CTIF: variants seen among roughly 807,000 people sequenced by gnomAD.
The protein encoded by CTIF is CBP80/20-dependent translation initiation factor.
In CTIF, 21 loss-of-function variants were observed where a neutral mutation model predicts 66.0. The ratio of observed to expected loss-of-function variants is 0.32; its 90% CI spans 0.23 to 0.46. The LOEUF is 0.46. Among genes scored for constraint, CTIF ranks in the 20% least tolerant of loss-of-function variants. The pLI, the probability that CTIF is intolerant of heterozygous loss-of-function variation, is 1.00. For missense variants in CTIF, 739 were observed against 812.7 expected, an observed-to-expected ratio of 0.91 and a Z score of 1.10; for synonymous variants, 345 against 326.4, an observed-to-expected ratio of 1.06 and a Z score of -0.62.
chr18:48,644,429 C>T (rs567785951), intron 3 of CTIF, among the ~76,000 whole-genome samples: 13 of 152,192 alleles, frequency 8.5e-5, no homozygotes, highest in Admixed American at 2.0e-4. Context: ...TAGAAGTGTG[C>T]GCTGTGATTC....
At chr18:48,611,057 AGGCTTGGAT>A (rs2090299178) in intron 1 of CTIF, among the ~76,000 whole-genome samples, 1 of 152,238 alleles carries the variant, frequency 6.6e-6, no homozygotes, top group South Asian at 2.1e-4. Context: ...AGGGATGTAA[AGGCTTGGAT>A]CCTGCATTGC....
rs2069477571 is a variant in CTIF at position 48,861,879 on chromosome 18, AAT to A, written c.*2325_*2326del. ...AAATATAAATATGTATACATATATA[AAT>A]ATATTTTTAATTACATGTCGTGTCA... On this transcript the variant is annotated 3_prime_UTR_variant, in exon 12 of 12. Transcript: ENST00000256413. 2 of 152,262 alleles carry A rather than the reference AAT, an allele frequency of 1.3e-5. No homozygotes were observed. The highest frequency in any genetic ancestry group is 4.1e-4 in the South Asian group (2 of 4,824). 9.4% of individuals were successfully genotyped at this position (152,262 alleles called of 1,614,324 possible).
At chr18:48,598,165 G>A (rs911370004) in intron 1 of CTIF, among the ~76,000 whole-genome samples, 3 of 152,192 alleles carry the variant, frequency 2.0e-5, no homozygotes, top group Admixed American at 6.5e-5. Flanking sequence ...GGGAGTTGGC[G>A]GAGGCTCTGA....
intron 7 of CTIF, among the ~76,000 whole-genome samples, chr18:48,751,664 C>T (rs752791225): frequency 6.6e-6 from 1 of 152,142 alleles, no homozygotes; most frequent in African/African-American, 2.4e-5. Context: ...CTGGAGGGCT[C>T]GGGCAGGACC....
At chr18:48,640,782 G>A (rs1598787754) in intron 3 of CTIF, among the ~76,000 whole-genome samples, 1 of 152,352 alleles carries the variant, frequency 6.6e-6, no homozygotes, top group East Asian at 1.9e-4. Flanking sequence ...GTCATACACT[G>A]GGATGATTGA....
intron 7 of CTIF, among the ~76,000 whole-genome samples, chr18:48,739,993 G>T (rs1598957943): frequency 2.0e-5 from 3 of 152,218 alleles, no homozygotes; most frequent in South Asian, 2.1e-4. Flanking sequence ...GTGTTTGAAG[G>T]ACTCTACAAA....
intron 10 of CTIF, chr18:48,826,198 G>A (rs189045247): frequency 4.6e-5 from 7 of 152,348 alleles, no homozygotes; most frequent in Admixed American, 3.9e-4. Flanking sequence ...TGTGAAGCAA[G>A]TGGCATATGA....
At chr18:48,660,837 C>T (rs2091329872) in intron 3 of CTIF, among the ~76,000 whole-genome samples, 1 of 152,218 alleles carries the variant, frequency 6.6e-6, no homozygotes, top group Non-Finnish European at 1.5e-5. Context: ...GGTGAATCAC[C>T]ATCTTCCTGG....
At chr18:48,563,554 C>G (rs2089211756) in intron 1 of CTIF, among the ~76,000 whole-genome samples, 1 of 152,220 alleles carries the variant, frequency 6.6e-6, no homozygotes, top group Non-Finnish European at 1.5e-5. Context: ...TCACTGCAAC[C>G]TCCACCTCCT....
intron 7 of CTIF, among the ~76,000 whole-genome samples, chr18:48,753,140 G>C (rs1238590072): frequency 6.6e-6 from 1 of 152,242 alleles, no homozygotes; most frequent in Non-Finnish European, 1.5e-5. Context: ...CAGGAGTGGA[G>C]GTGCCTACGC....
At chr18:48,598,951 A>G (rs1011301469) in intron 1 of CTIF, among the ~76,000 whole-genome samples, 2 of 152,236 alleles carry the variant, frequency 1.3e-5, no homozygotes, top group Admixed American at 1.3e-4. Context: ...CGAGTGGAGC[A>G]GATTCCAGAT....
chr18:48,540,733 T>G (rs970650862), intron 1 of CTIF, among the ~76,000 whole-genome samples: 20 of 151,460 alleles, frequency 1.3e-4, no homozygotes, highest in Non-Finnish European at 2.2e-4. Context: ...CCGGTGTGTG[T>G]GGGGGGCGGG....
intron 7 of CTIF, among the ~76,000 whole-genome samples, chr18:48,757,607 C>T (rs1012244013): frequency 4.6e-5 from 7 of 152,216 alleles, no homozygotes; most frequent in African/African-American, 1.7e-4. Context: ...TCACTGTTAT[C>T]TGCTACTGGA....
chr18:48,683,407 G>C (rs1311679763), intron 6 of CTIF, among the ~76,000 whole-genome samples: 1 of 149,584 alleles, frequency 6.7e-6, no homozygotes, highest in Admixed American at 6.6e-5. Flanking sequence ...GTCTCACTTC[G>C]AGCAGGGGGC....
intron 3 of CTIF, among the ~76,000 whole-genome samples, chr18:48,645,118 A>T (rs1022797325): frequency 6.6e-6 from 1 of 152,144 alleles, no homozygotes; most frequent in African/African-American, 2.4e-5. Flanking sequence ...AACCCAAGAC[A>T]TTCTGTATAA....
intron 10 of CTIF, among the ~76,000 whole-genome samples, chr18:48,843,420 T>C (rs2068994718): frequency 6.6e-6 from 1 of 152,066 alleles, no homozygotes. Context: ...AGGTGCCGCC[T>C]GCGAGCCAGG....
chr18:48,729,537 G>A (rs538489399), intron 7 of CTIF, among the ~76,000 whole-genome samples: 7 of 152,292 alleles, frequency 4.6e-5, no homozygotes, highest in African/African-American at 1.2e-4. Flanking sequence ...GAGAGCTGGC[G>A]TCCCCATGAG....
chr18:48,635,712 G>A (rs1412863785), intron 2 of CTIF, among the ~76,000 whole-genome samples: 3 of 152,198 alleles, frequency 2.0e-5, no homozygotes, highest in African/African-American at 7.2e-5. Flanking sequence ...TAATACAATA[G>A]TAAAAACACT....
rs549986254 is a variant in CTIF, at chr18:48,720,068, ATAG to A, written c.584+8375_584+8377del. Among the ~76,000 whole-genome samples the A allele has an allele frequency of 2.5e-4, 38 of 152,360 alleles. 1 individual carries two copies. The highest frequency in any genetic ancestry group is 4.6e-4 in the Non-Finnish European group (31 of 68,032). On this transcript the variant is annotated intron_variant, in intron 7 of 11. Transcript: ENST00000256413. ...AAACCCCGCATTTCCCCTAGGAGTA[ATAG>A]TTCAGTATTCACTAATTCAGTATTT...
Sources: gnomAD v4.1 joint callset for allele counts (sites outside exome capture counted in the v4.1 genomes callset) on GRCh38, gnomAD v4.1.1 for gene constraint, MANE v1.5 for transcripts, NCBI Gene and HGNC (gene_info 2026-07-23, HGNC 2026-07-21) for gene names.